Variants in IREB2 observed in about 807,000 individuals in gnomAD.
The protein encoded by IREB2 is iron responsive element binding protein 2.
Under a neutral mutation model 118.8 loss-of-function variants are expected in IREB2, and 39 were observed. The ratio of observed to expected loss-of-function variants is 0.33; its 90% CI spans 0.25 to 0.43. The LOEUF (loss-of-function observed/expected upper bound fraction) is 0.43. Among genes scored for constraint, IREB2 ranks in the 20% least tolerant of loss-of-function variants. IREB2 has a pLI of 1.00. For missense variants in IREB2, 900 were observed against 1,147.3 expected (o/e 0.78, Z 3.11); for synonymous variants, 372 against 392.2 (o/e 0.95, Z 0.61).
chr15:78,438,219 C>T lies in IREB2; in HGVS notation c.-119C>T, dbSNP rs1030795886. 3.8e-6 allele frequency: 3 copies of T among 792,826 alleles called. No individual in the cohort carries two copies. Among genetic ancestry groups the T allele is most frequent in the African/African-American group, 1.7e-5 (1 of 58,616 alleles). 49.1% of individuals were successfully genotyped at this position (792,826 alleles called of 1,614,324 possible). A position where few individuals can be genotyped will look rare whatever the true frequency, so the allele number is the denominator to read the frequency against. On this transcript the variant is annotated 5_prime_UTR_variant, in exon 1 of 22. Transcript: ENST00000258886. ...GCTGCTCTCGCGATATTTGCGCGAG[C>T]CTGCTTCCTTCTTTCCTCCCTTGCC...
At chr15:78,451,420 A>C (rs552992023) in intron 2 of IREB2, among the ~76,000 whole-genome samples, 1 of 152,020 alleles carries the variant, frequency 6.6e-6, no homozygotes, top group Non-Finnish European at 1.5e-5. Flanking sequence ...CAAGCAACTG[A>C]TGTACTTTGT....
At chr15:78,491,541 A>C (rs1024251796) in intron 18 of IREB2, among the ~76,000 whole-genome samples, 1 of 152,220 alleles carries the variant, frequency 6.6e-6, no homozygotes, top group African/African-American at 2.4e-5. Context: ...TCTGTCACCC[A>C]GGCTGGAGTG....
rs557438083 is a variant in IREB2, at chr15:78,477,494, G to A, written c.1196-803G>A. On this transcript the variant is annotated intron_variant, in intron 9 of 21. Coordinates refer to ENST00000258886, the MANE Select transcript of IREB2 (RefSeq NM_004136.4). Reference sequence around the variant, plus strand: ...CAAAACACCCTCATGTGGTTTCTCCGTGTAGTCTGGGCTTGCTCACGTGGT... The same window carrying A: ...CAAAACACCCTCATGTGGTTTCTCCATGTAGTCTGGGCTTGCTCACGTGGT... Among the ~76,000 whole-genome samples, 232 of 152,320 alleles carry A rather than the reference G, an allele frequency of 1.5e-3. 5 individuals carry two copies. In the South Asian group the frequency reaches 0.029, roughly 19 times the overall value.
chr15:78,456,095 A>T (rs559067844), intron 2 of IREB2, among the ~76,000 whole-genome samples: 42 of 152,330 alleles, frequency 2.8e-4, no homozygotes, highest in South Asian at 2.1e-3. Flanking sequence ...TCACACTGTC[A>T]TCTCTGCCAT....
intron 2 of IREB2, among the ~76,000 whole-genome samples, chr15:78,457,394 C>G (rs373862395): frequency 1.3e-5 from 2 of 152,192 alleles, no homozygotes; most frequent in East Asian, 3.9e-4. Context: ...TGTTTACTCT[C>G]TGATTTTATA....
chr15:78,445,558 G>A (rs943571421), intron 2 of IREB2, among the ~76,000 whole-genome samples: 2 of 152,228 alleles, frequency 1.3e-5, no homozygotes, highest in African/African-American at 4.8e-5. Context: ...CAGGGAACCA[G>A]AATTTCTAAG....
intron 4 of IREB2, 35 bp downstream of exon 4, chr15:78,465,423 A>G (rs377751652): frequency 6.4e-7 from 1 of 1,570,784 alleles, no homozygotes; most frequent in Non-Finnish European, 8.7e-7. Context: ...ACAGCCATGC[A>G]AGTTAATTGG....
rs1316832366 is a variant in IREB2 at position 78,498,999 on chromosome 15, T to G, written c.*856T>G. ...GGTATCATTAACCAAAATTTCACAC[T>G]CATAGTTGCTAAAGAGAATGTTATT... is the stretch of plus-strand genomic sequence containing the variant. On this transcript the variant is annotated 3_prime_UTR_variant, in exon 22 of 22. Coordinates refer to ENST00000258886, the MANE Select transcript of IREB2 (RefSeq NM_004136.4). 1 of 152,224 alleles carries G rather than the reference T, an allele frequency of 6.6e-6. No individual in the cohort carries two copies. Among genetic ancestry groups the G allele is most frequent in the Admixed American group, 6.5e-5 (1 of 15,288 alleles). The allele number at this position is 152,224 out of a possible 1,614,324, so 9.4% of individuals were successfully genotyped here. A position where few individuals can be genotyped will look rare whatever the true frequency, so the allele number is the denominator to read the frequency against.
At chr15:78,471,427 G>C (rs576110337) in intron 6 of IREB2, among the ~76,000 whole-genome samples, 1 of 152,366 alleles carries the variant, frequency 6.6e-6, no homozygotes, top group African/African-American at 2.4e-5. Context: ...GTTTAGGAGA[G>C]AGAGCTTGGA....
chr15:78,495,720 A>G (rs2051828279), intron 20 of IREB2, among the ~76,000 whole-genome samples: 1 of 152,196 alleles, frequency 6.6e-6, no homozygotes, highest in South Asian at 2.1e-4. Flanking sequence ...AAAAATGAGT[A>G]AAAAAGAACA....
Position 78,488,292 on chromosome 15 carries a change from C to T in IREB2, c.1907C>T (p.Ala636Val). ...LASPPLVVAYAIAGTVNIDFQ... is the reference protein window; with the variant it reads ...LASPPLVVAYVIAGTVNIDFQ... Reference sequence around the variant, plus strand: ...TCTCCACCCTTAGTGGTAGCTTATGCCATAGCAGGCACAGTGAATATAGAT... The same window carrying T: ...TCTCCACCCTTAGTGGTAGCTTATGTCATAGCAGGCACAGTGAATATAGAT... The change falls in exon 15 of 22, where the codon GCC (alanine) becomes GTC (valine). Residue 636 changes from alanine (A) to valine (V), a missense_variant. Ala to Val is a moderately conservative substitution (Grantham distance 64). Transcript: ENST00000258886. 5 of 1,608,594 alleles carry T rather than the reference C, an allele frequency of 3.1e-6. No homozygotes were observed. The highest frequency in any genetic ancestry group is 4.2e-6 in the Non-Finnish European group (5 of 1,178,304).
At position 78,487,819 on chromosome 15, in the gene IREB2, T is replaced by TA. The variant is rs1255711420; in HGVS notation, c.1794+6dup. The TA allele has an allele frequency of 6.4e-7, 1 of 1,560,956 alleles. No individual in the cohort carries two copies. The highest frequency in any genetic ancestry group is 8.8e-7 in the Non-Finnish European group (1 of 1,133,634). Reference sequence around the variant, plus strand: ...GCAGTTTTAAATGCAGTAAAACAGGTAAAATGTGTGGATTGGCAAGACATC... The same window carrying TA: ...GCAGTTTTAAATGCAGTAAAACAGGTAAAAATGTGTGGATTGGCAAGACATC... On this transcript the variant is annotated splice_region_variant and intron_variant, in intron 14 of 21. Coordinates refer to ENST00000258886, the MANE Select transcript of IREB2 (RefSeq NM_004136.4).
chr15:78,465,157 A>G, intron 3 of IREB2, 94 bp from the exon 4 acceptor site: 1 of 980,204 alleles, frequency 1.0e-6, no homozygotes, highest in Non-Finnish European at 1.5e-6. Flanking sequence ...AGACAGGGAT[A>G]CTTTTTAAAA....
At chr15:78,494,325 C>CAGTAACA in intron 20 of IREB2, 61 bp downstream of exon 20, 2 of 1,499,916 alleles carry the variant, frequency 1.3e-6, no homozygotes, top group Non-Finnish European at 1.8e-6. Flanking sequence ...TCCCTTTTGT[C>CAGTAACA]AGTAACATCC....
Position 78,487,765 on chromosome 15 carries a change from G to A in IREB2, c.1742G>A (p.Cys581Tyr). 1 of 1,608,998 alleles carries A rather than the reference G, an allele frequency of 6.2e-7. No individual in the cohort carries two copies. The highest frequency in any genetic ancestry group is 8.5e-7 in the Non-Finnish European group (1 of 1,175,788). ...FEIVGYGCSI[C>Y]VGNTAPLSDA... The stretch of plus-strand genomic sequence containing the variant: ...ATCGTTGGCTATGGATGTTCAATTT[G>A]TGTGGGAAATACAGCACCCTTATCA... The change falls in exon 14 of 22, where the codon TGT (cysteine) becomes TAT (tyrosine). Residue 581 changes from cysteine (C) to tyrosine (Y), a missense_variant. Transcript: ENST00000258886.
rs972118233 is a variant in IREB2 at position 78,438,256 on chromosome 15, C to G, written c.-82C>G. The G allele has an allele frequency of 1.8e-6, 2 of 1,106,142 alleles. No individual in the cohort carries two copies. Among genetic ancestry groups the G allele is most frequent in the South Asian group, 2.7e-5 (2 of 75,200 alleles). The allele number at this position is 1,106,142 out of a possible 1,614,324, so 68.5% of individuals were successfully genotyped here. On this transcript the variant is annotated 5_prime_UTR_variant, in exon 1 of 22. Transcript: ENST00000258886. The stretch of plus-strand genomic sequence containing the variant: ...TTTCCTCCCTTGCCAGTCCGCCTGT[C>G]TTCCTCCCCGTCTTCCCTGCCCGGC...
At chr15:78,490,551 C>A in intron 17 of IREB2, 25 bp downstream of exon 17, 1 of 1,602,738 alleles carries the variant, frequency 6.2e-7, no homozygotes. Context: ...ACTATTTGAT[C>A]TTTTAAAGAT....
At chr15:78,494,708 G>C (rs2051810588) in intron 20 of IREB2, among the ~76,000 whole-genome samples, 2 of 152,044 alleles carry the variant, frequency 1.3e-5, no homozygotes, top group South Asian at 4.2e-4. Flanking sequence ...CAAGTAGCTG[G>C]GACTACGCCA....
chr15:78,496,721 C>T (rs967190548), intron 20 of IREB2, among the ~76,000 whole-genome samples: 5 of 152,196 alleles, frequency 3.3e-5, no homozygotes, highest in South Asian at 4.1e-4. Context: ...TAAGCCACTG[C>T]GCCTGGCCCT....
Sources: gnomAD v4.1 joint callset for allele counts (sites outside exome capture counted in the v4.1 genomes callset) on GRCh38, gnomAD v4.1.1 for gene constraint, MANE v1.5 for transcripts, NCBI Gene and HGNC (gene_info 2026-07-23, HGNC 2026-07-21) for gene names.